The following CADM2 variants were observed in gnomAD, a reference collection of about 807,000 sequenced individuals.
CADM2 encodes immunoglobulin superfamily member 4D.
A neutral mutation model predicts 49.8 loss-of-function variants in CADM2; 12 were observed. The observed-to-expected ratio is 0.24, with a 90% CI of 0.15 to 0.39. The LOEUF is 0.39. Ranked by LOEUF, CADM2 falls within the 10% of genes least tolerant of loss-of-function variation. CADM2 has a pLI of 1.00. For synonymous variants in CADM2, 214 were observed against 175.4 expected, an observed-to-expected ratio of 1.22 and a Z score of -1.74; for missense variants, 378 against 492.3, an observed-to-expected ratio of 0.77 and a Z score of 2.20.
At chr3:85,085,572 A>G (rs540786553) in intron 1 of CADM2, among the ~76,000 whole-genome samples, 1 of 152,232 alleles carries the variant, frequency 6.6e-6, no homozygotes, top group East Asian at 1.9e-4. Flanking sequence ...CTTTGGAGGA[A>G]TAATTACTAC....
intron 7 of CADM2, among the ~76,000 whole-genome samples, chr3:85,955,622 C>T (rs548917270): frequency 9.3e-5 from 14 of 151,278 alleles, no homozygotes; most frequent in Admixed American, 1.3e-4. Flanking sequence ...AATAAATGCC[C>T]CAAATACAAA....
At chr3:85,783,632 T>G (rs1212148381) in intron 2 of CADM2, among the ~76,000 whole-genome samples, 1 of 152,202 alleles carries the variant, frequency 6.6e-6, no homozygotes, top group Non-Finnish European at 1.5e-5. Context: ...GTGCATTACA[T>G]GCCAAAATTT....
intron 1 of CADM2, 121 bp downstream of exon 1, chr3:84,959,789 C>T (rs1315114071): frequency 2.2e-6 from 2 of 913,024 alleles, no homozygotes; most frequent in African/African-American, 1.6e-5. Context: ...TCCACCCCCT[C>T]CCCCTACTCT....
intron 1 of CADM2, among the ~76,000 whole-genome samples, chr3:85,550,630 C>G (rs1250026059): frequency 2.1e-4 from 32 of 152,098 alleles, no homozygotes. Flanking sequence ...TTTATATTTC[C>G]TAAATTTATA....
chr3:85,480,048 C>A (rs1356467929), intron 1 of CADM2, among the ~76,000 whole-genome samples: 1 of 151,558 alleles, frequency 6.6e-6, no homozygotes, highest in East Asian at 1.9e-4. Context: ...AAAGTTACTT[C>A]TAATTGAAGG....
At chr3:85,294,665 A>G (rs926444937) in intron 1 of CADM2, among the ~76,000 whole-genome samples, 1 of 151,594 alleles carries the variant, frequency 6.6e-6, no homozygotes, top group Non-Finnish European at 1.5e-5. Context: ...TCTTTGACAA[A>G]CCTGAGAAAA....
chr3:85,822,821 T>A (rs2073670870), intron 3 of CADM2, among the ~76,000 whole-genome samples: 1 of 152,172 alleles, frequency 6.6e-6, no homozygotes, highest in Non-Finnish European at 1.5e-5. Context: ...TCTAAAATGG[T>A]CTATGATAAC....
At chr3:85,241,798 C>A (rs897283620) in intron 1 of CADM2, among the ~76,000 whole-genome samples, 1 of 151,382 alleles carries the variant, frequency 6.6e-6, no homozygotes, top group African/African-American at 2.4e-5. Context: ...TCAGGTAGGT[C>A]ATTTACTTCA....
chr3:86,049,726 C>T (rs1029336206), intron 8 of CADM2, among the ~76,000 whole-genome samples: 3 of 152,044 alleles, frequency 2.0e-5, no homozygotes, highest in Non-Finnish European at 4.4e-5. Context: ...AGGTGAGGGT[C>T]GGTGCTACAC....
chr3:85,909,225 T>C (rs1261925755), intron 5 of CADM2, among the ~76,000 whole-genome samples: 4 of 152,056 alleles, frequency 2.6e-5, no homozygotes, highest in Admixed American at 6.6e-5. Flanking sequence ...ACGTTTTGAC[T>C]ATTTAAATGT....
intron 2 of CADM2, among the ~76,000 whole-genome samples, chr3:85,767,305 A>C (rs892158610): frequency 6.6e-6 from 1 of 152,308 alleles, no homozygotes; most frequent in South Asian, 2.1e-4. Flanking sequence ...CAATGTACAA[A>C]TAAGCCGGCG....
chr3:85,139,048 G>A (rs568620755), intron 1 of CADM2, among the ~76,000 whole-genome samples: 27 of 152,210 alleles, frequency 1.8e-4, no homozygotes, highest in Admixed American at 1.4e-3. Context: ...TACTGGCATC[G>A]GTGAGTGCAG....
chr3:85,117,348 T>C (rs950020705), intron 1 of CADM2, among the ~76,000 whole-genome samples: 2 of 152,106 alleles, frequency 1.3e-5, no homozygotes, highest in Non-Finnish European at 2.9e-5. Context: ...AAAATAACCC[T>C]AAGGAATATT....
chr3:85,884,721 T>C (rs1471660095), intron 4 of CADM2, among the ~76,000 whole-genome samples: 1 of 150,672 alleles, frequency 6.6e-6, no homozygotes, highest in Admixed American at 6.6e-5. Context: ...TCCAATATTC[T>C]TCTTCTTTTT....
intron 1 of CADM2, among the ~76,000 whole-genome samples, chr3:85,324,198 G>C (rs1238339589): frequency 1.3e-5 from 2 of 152,078 alleles, no homozygotes; most frequent in African/African-American, 4.8e-5. Flanking sequence ...AAACCTTACT[G>C]TTTGCAAAGT....
At chr3:85,670,115 A>G (rs1401851644) in intron 1 of CADM2, among the ~76,000 whole-genome samples, 1 of 152,204 alleles carries the variant, frequency 6.6e-6, no homozygotes, top group Non-Finnish European at 1.5e-5. Context: ...TTCTAATTTT[A>G]CATTACAAAT....
At chr3:85,900,865 A>T (rs575171665) in intron 5 of CADM2, among the ~76,000 whole-genome samples, 1 of 152,222 alleles carries the variant, frequency 6.6e-6, no homozygotes, top group South Asian at 2.1e-4. Flanking sequence ...TTAACTTTGA[A>T]TTTTTCATGG....
intron 1 of CADM2, among the ~76,000 whole-genome samples, chr3:85,651,972 C>A (rs2065054185): frequency 9.7e-6 from 1 of 102,762 alleles, no homozygotes; most frequent in African/African-American, 3.8e-5. Context: ...CGCCTGCCAC[C>A]ACGCCCGGCT....
intron 2 of CADM2, among the ~76,000 whole-genome samples, chr3:85,761,973 C>T (rs898429464): frequency 6.6e-6 from 1 of 152,084 alleles, no homozygotes; most frequent in Non-Finnish European, 1.5e-5. Context: ...ACAGCCACTC[C>T]TTGTTTTGTT....
Sources: allele counts gnomAD v4.1 joint callset (sites outside exome capture counted in the v4.1 genomes callset), GRCh38; gene constraint gnomAD v4.1.1; transcripts MANE v1.5; gene names NCBI Gene and HGNC (gene_info 2026-07-23, HGNC 2026-07-21).